MATN2: variants seen among roughly 807,000 people sequenced by gnomAD.
MATN2 encodes the protein matrilin-2.
Under a neutral mutation model 103.2 loss-of-function variants are expected in MATN2, and 69 were observed. That is an observed-to-expected ratio of 0.67 (90% CI 0.55 to 0.82). MATN2 has a LOEUF of 0.82. Ranked by LOEUF, MATN2 falls within the 40% of genes least tolerant of loss-of-function variation. The probability of loss-of-function intolerance (pLI) is 0.00; values close to 1 mark genes in which losing one functional copy is unlikely to be tolerated. For missense variants in MATN2, 1,023 were observed against 1,211.5 expected (o/e 0.84, Z 2.31); for synonymous variants, 429 against 450.2 (o/e 0.95, Z 0.60).
chr8:97,937,227 G>A (rs148496927), intron 3 of MATN2, among the ~76,000 whole-genome samples: 32 of 152,218 alleles, frequency 2.1e-4, no homozygotes, highest in African/African-American at 7.5e-4. Flanking sequence ...GCAGCTCCCC[G>A]ATGCAAGGTG....
intron 13 of MATN2, among the ~76,000 whole-genome samples, chr8:98,022,260 T>C (rs1015285761): frequency 2.0e-5 from 3 of 152,134 alleles, no homozygotes; most frequent in African/African-American, 7.2e-5. Context: ...TTACCATCGA[T>C]ATATTTTGTA....
At chr8:97,917,153 A>T (rs975057321) in intron 2 of MATN2, among the ~76,000 whole-genome samples, 9 of 152,264 alleles carry the variant, frequency 5.9e-5, no homozygotes, top group Non-Finnish European at 1.2e-4. Flanking sequence ...CAGCACCTTC[A>T]TAAAACAACA....
intron 2 of MATN2, among the ~76,000 whole-genome samples, chr8:97,919,872 GC>G (rs1480409315): frequency 2.6e-5 from 4 of 152,212 alleles, no homozygotes; most frequent in Non-Finnish European, 2.9e-5. Context: ...GAGTGTTGGG[GC>G]TCAGAGGAAG....
chr8:97,947,688 A>T (rs1810798975), intron 4 of MATN2, among the ~76,000 whole-genome samples: 1 of 152,250 alleles, frequency 6.6e-6, no homozygotes, highest in South Asian at 2.1e-4. Context: ...AATTCTTTCC[A>T]AATTGATCCA....
intron 1 of MATN2, among the ~76,000 whole-genome samples, chr8:97,870,942 G>A (rs1366262746): frequency 6.6e-6 from 1 of 152,094 alleles, no homozygotes; most frequent in Non-Finnish European, 1.5e-5. Context: ...TTTTATTTCT[G>A]CCAATAGAAT....
chr8:98,025,068 A>G (rs1301635295), intron 13 of MATN2: 3 of 152,252 alleles, frequency 2.0e-5, no homozygotes, highest in Non-Finnish European at 4.4e-5. Flanking sequence ...AAATTATTTC[A>G]GTATTTTTGA....
intron 6 of MATN2, among the ~76,000 whole-genome samples, chr8:97,988,169 A>ATTATATATATATATATATATATAT (rs57037125): frequency 1.5e-5 from 1 of 64,524 alleles, no homozygotes; most frequent in African/African-American, 8.1e-5. Context: ...AAAAAAAAAA[A>ATTATATATATATATATATATATAT]AAATATATAT....
At chr8:97,965,601 A>G (rs1480195610) in intron 5 of MATN2, among the ~76,000 whole-genome samples, 1 of 152,222 alleles carries the variant, frequency 6.6e-6, no homozygotes, top group Non-Finnish European at 1.5e-5. Context: ...TGGGAGGCCA[A>G]AGTAGGAGGA....
intron 2 of MATN2, among the ~76,000 whole-genome samples, chr8:97,910,373 G>T (rs1429995847): frequency 6.6e-6 from 1 of 152,132 alleles, no homozygotes; most frequent in Non-Finnish European, 1.5e-5. Flanking sequence ...GGTTTTTAAA[G>T]AATCACTTCT....
chr8:97,961,717 A>G (rs1328590714), intron 5 of MATN2, among the ~76,000 whole-genome samples, 187 bp downstream of exon 5: 1 of 152,244 alleles, frequency 6.6e-6, no homozygotes, highest in Non-Finnish European at 1.5e-5. Context: ...GGCTGAGGTC[A>G]GCGTTTTCTT....
intron 4 of MATN2, among the ~76,000 whole-genome samples, chr8:97,945,611 C>T (rs1810721424): frequency 6.6e-6 from 1 of 151,528 alleles, no homozygotes. Context: ...CCCAAGTCCA[C>T]TGCTAATTGC....
At chr8:97,900,942 C>G (rs1048663586) in intron 2 of MATN2, among the ~76,000 whole-genome samples, 3 of 151,932 alleles carry the variant, frequency 2.0e-5, no homozygotes, top group African/African-American at 7.2e-5. Flanking sequence ...CCCCGCCCCC[C>G]CAAAAAAAGA....
chr8:97,973,730 C>T (rs561639691), intron 5 of MATN2, among the ~76,000 whole-genome samples: 1 of 151,650 alleles, frequency 6.6e-6, no homozygotes, highest in South Asian at 2.1e-4. Context: ...CCACCATGCC[C>T]AGCTAATTTT....
intron 5 of MATN2, among the ~76,000 whole-genome samples, chr8:97,977,235 CAAAAAAAAAAAAAAA>C (rs34634037): frequency 5.6e-5 from 2 of 35,924 alleles, no homozygotes; most frequent in Admixed American, 9.9e-4. Flanking sequence ...GACCCTGTCT[CAAAAAAAAAAAAAAA>C]AAAAAAAAAA....
intron 1 of MATN2, among the ~76,000 whole-genome samples, chr8:97,881,913 C>CTTTTTTTTTTT (rs34704905): frequency 3.6e-5 from 3 of 84,090 alleles, no homozygotes; most frequent in Non-Finnish European, 6.4e-5. Flanking sequence ...TATTACTTAT[C>CTTTTTTTTTTT]TTTTTTTTTT....
chr8:97,941,353 T>C (rs1810559605), intron 3 of MATN2, among the ~76,000 whole-genome samples: 1 of 152,186 alleles, frequency 6.6e-6, no homozygotes, highest in Non-Finnish European at 1.5e-5. Flanking sequence ...CTGTTGGTTC[T>C]TTAACACATT....
rs573951265 is a variant in MATN2 at position 98,035,933 on chromosome 8, A to T, written c.*221A>T. Reference sequence around the variant, plus strand: ...TCCTTCAGAATTCTAAGATGAATTTACCAGGTGAGAATGAATAAGCTATGC... The same window carrying T: ...TCCTTCAGAATTCTAAGATGAATTTTCCAGGTGAGAATGAATAAGCTATGC... On this transcript the variant is annotated 3_prime_UTR_variant, in exon 19 of 19. Coordinates refer to ENST00000254898, the MANE Select transcript of MATN2 (RefSeq NM_002380.5). The T allele has an allele frequency of 1.5e-5, 6 of 397,154 alleles. No homozygotes were observed. The highest frequency in any genetic ancestry group is 1.0e-4 in the African/African-American group (5 of 48,764). The allele number at this position is 397,154 out of a possible 1,614,324, so 24.6% of individuals were successfully genotyped here. A position where few individuals can be genotyped will look rare whatever the true frequency, so the allele number is the denominator to read the frequency against.
chr8:97,979,116 G>A, intron 6 of MATN2, 108 bp downstream of exon 6: 1 of 1,323,618 alleles, frequency 7.6e-7, no homozygotes, highest in Non-Finnish European at 1.0e-6. Context: ...ATTATGTCAT[G>A]GGGGTCTAAT....
intron 5 of MATN2, among the ~76,000 whole-genome samples, chr8:97,967,074 C>A (rs1192539666): frequency 6.6e-6 from 1 of 152,132 alleles, no homozygotes; most frequent in East Asian, 1.9e-4. Context: ...GTGACACACT[C>A]TTTTCAGACC....
Sources: gnomAD v4.1 joint callset for allele counts (sites outside exome capture counted in the v4.1 genomes callset) on GRCh38, gnomAD v4.1.1 for gene constraint, MANE v1.5 for transcripts, NCBI Gene and HGNC (gene_info 2026-07-23, HGNC 2026-07-21) for gene names.